The following HIBCH variants were observed in gnomAD, a reference collection of about 807,000 sequenced individuals.
HIBCH encodes the protein 3-hydroxyisobutyryl-CoA hydrolase.
HIBCH carries 50 observed loss-of-function variants against 58.2 expected under a neutral mutation model. The observed-to-expected ratio is 0.86, with a 90% CI of 0.68 to 1.09. The LOEUF is 1.09. Ranked by LOEUF, HIBCH falls within the 50% of genes least tolerant of loss-of-function variation. The pLI is 0.00. For synonymous variants in HIBCH, 151 were observed against 146.9 expected (o/e 1.03, Z -0.20); for missense variants, 450 against 449.7 (o/e 1.00, Z -0.01).
chr2:190,219,391 G>A (rs1216422242), intron 11 of HIBCH, among the ~76,000 whole-genome samples: 2 of 152,166 alleles, frequency 1.3e-5, no homozygotes, highest in East Asian at 3.8e-4. Flanking sequence ...AGAAAAAACA[G>A]GATATACTAG....
intron 8 of HIBCH, 135 bp from the exon 9 acceptor site, chr2:190,249,861 A>C (rs1686712681): frequency 1.5e-6 from 1 of 672,546 alleles, no homozygotes; most frequent in African/African-American, 1.8e-5. Flanking sequence ...AATCACTGAA[A>C]GAAATTTTGA....
chr2:190,292,507 C>T (rs1445971728), intron 4 of HIBCH, among the ~76,000 whole-genome samples: 1 of 152,204 alleles, frequency 6.6e-6, no homozygotes, highest in Non-Finnish European at 1.5e-5. Context: ...GACGGGGTTT[C>T]ACCACATTGC....
At chr2:190,260,748 G>T (rs1687064063) in intron 7 of HIBCH, among the ~76,000 whole-genome samples, 1 of 152,122 alleles carries the variant, frequency 6.6e-6, no homozygotes, top group South Asian at 2.1e-4. Context: ...TGGAATGATT[G>T]TATTTCCATA....
At position 190,246,192 on chromosome 2, in the gene HIBCH, C is replaced by T; in HGVS notation, c.771G>A (p.Lys257=). 6.3e-7 allele frequency: 1 copy of T among 1,594,952 alleles called. No homozygotes were observed. The highest frequency in any genetic ancestry group is 1.1e-5 in the South Asian group (1 of 90,610). Residue 257 remains lysine (K), a synonymous_variant, in exon 10 of 14, where the codon AAG becomes AAA. Transcript: ENST00000359678. ...YHTESKIDRD[K]SFILEEHMDK... ...CCATGTGTTCCTCAAGTATAAAAGA[C>T]TTGTCTCGATCAATCTTAGACTGTT...
intron 6 of HIBCH, among the ~76,000 whole-genome samples, chr2:190,276,379 C>G (rs190249400): frequency 1.0e-3 from 159 of 152,286 alleles, no homozygotes; most frequent in African/African-American, 3.8e-3. Context: ...TTGGCTCCTT[C>G]TTACTCCTTT....
chr2:190,192,165 AG>A (rs1427584236), intron 1 of HIBCH, among the ~76,000 whole-genome samples: 11 of 151,876 alleles, frequency 7.2e-5, no homozygotes, highest in Non-Finnish European at 1.3e-4. Flanking sequence ...GTGGGGGGAG[AG>A]TATGTGAATG....
At chr2:190,191,387 T>C (rs34833281) in intron 1 of HIBCH, among the ~76,000 whole-genome samples, 17,129 of 152,184 alleles carry the variant, frequency 0.11, 2,640 homozygotes, top group African/African-American at 0.35. Context: ...TCAGGTGATC[T>C]ACCCACCAAG....
intron 6 of HIBCH, among the ~76,000 whole-genome samples, chr2:190,282,493 T>C (rs1687727301): frequency 6.6e-6 from 1 of 152,136 alleles, no homozygotes; most frequent in Non-Finnish European, 1.5e-5. Flanking sequence ...AACTAACCAT[T>C]CCCATAAGAA....
chr2:190,212,156 A>T (rs1690526412), intron 12 of HIBCH, among the ~76,000 whole-genome samples: 1 of 152,254 alleles, frequency 6.6e-6, no homozygotes, highest in Non-Finnish European at 1.5e-5. Context: ...TGCCTAGCGT[A>T]GTACCTGCAC....
chr2:190,271,865 T>C (rs554825533), intron 6 of HIBCH, among the ~76,000 whole-genome samples: 1 of 152,278 alleles, frequency 6.6e-6, no homozygotes, highest in South Asian at 2.1e-4. Context: ...CCTATCTCCT[T>C]CACAGTATAA....
intron 11 of HIBCH, among the ~76,000 whole-genome samples, chr2:190,235,960 T>C (rs999697388): frequency 2.0e-5 from 3 of 152,232 alleles, no homozygotes; most frequent in African/African-American, 7.2e-5. Flanking sequence ...GCACCATTCA[T>C]TCATTCATCA....
At chr2:190,203,060 TA>T (rs1559007594), downstream of HIBCH, 6 of 167,070 alleles carry the variant, frequency 3.6e-5, no homozygotes, top group Non-Finnish European at 5.9e-5. Context: ...GCCTTATTAG[TA>T]TTAAAAACAG....
rs145085544 is a variant in HIBCH, at chr2:190,269,106, G to A, written c.439-7872C>T. Among the ~76,000 whole-genome samples, 457 of 152,188 alleles carry A rather than the reference G, an allele frequency of 3.0e-3. 7 individuals carry two copies. Among genetic ancestry groups the A allele is most frequent in the Non-Finnish European group, 9.1e-4 (62 of 68,010 alleles). ...CTTAAGATGGATTAAAGACTTAAAC[G>A]TAAGACCTAAAACCATAAAAACCCT... On this transcript the variant is annotated intron_variant, in intron 6 of 13. Coordinates refer to ENST00000359678, the MANE Select transcript of HIBCH (RefSeq NM_014362.4).
Position 190,304,851 on chromosome 2 carries a change from G to A in HIBCH, c.78+5903C>T, listed in dbSNP as rs1490207210. Reference sequence around the variant, plus strand: ...TTAAAACAAAGTATAAAGAACTAAAGCATTTAGAGATAAAATAGGACGAAT... The same window carrying A: ...TTAAAACAAAGTATAAAGAACTAAAACATTTAGAGATAAAATAGGACGAAT... On this transcript the variant is annotated intron_variant, in intron 2 of 13. Coordinates refer to ENST00000359678, the MANE Select transcript of HIBCH (RefSeq NM_014362.4). The surrounding 1 kb of genome is among the most constrained non-coding windows in gnomAD (Gnocchi z 4.1). Among the ~76,000 whole-genome samples, 2 of 152,054 alleles carry A rather than the reference G, an allele frequency of 1.3e-5. No homozygotes were observed. The highest frequency in any genetic ancestry group is 2.9e-5 in the Non-Finnish European group (2 of 68,000).
intron 6 of HIBCH, among the ~76,000 whole-genome samples, chr2:190,267,241 G>A (rs140807681): frequency 7.9e-5 from 12 of 152,116 alleles, no homozygotes; most frequent in African/African-American, 2.7e-4. Flanking sequence ...CAGAATCTCT[G>A]TCACCTAGGC....
intron 2 of HIBCH, among the ~76,000 whole-genome samples, chr2:190,298,831 C>G (rs1311396443): frequency 1.3e-5 from 2 of 152,166 alleles, no homozygotes; most frequent in Admixed American, 6.5e-5. Context: ...CGCCTATATC[C>G]TGAATGGTAC....
At position 190,207,896 on chromosome 2, in the gene HIBCH, AAAAT is replaced by A. The variant is rs1690429870; in HGVS notation, c.1045+980_1045+983del. Among the ~76,000 whole-genome samples the A allele has an allele frequency of 6.6e-6, 1 of 152,026 alleles. No individual in the cohort carries two copies. Among genetic ancestry groups the A allele is most frequent in the Non-Finnish European group, 1.5e-5 (1 of 68,002 alleles). ...ACCCTGTCTCCAAAAAAAATAAAAT[AAAAT>A]AAAAAAAACAAAGGATATCCAGAGT... On this transcript the variant is annotated intron_variant, in intron 13 of 13. Coordinates refer to ENST00000359678, the MANE Select transcript of HIBCH (RefSeq NM_014362.4). This position sits in a 1 kb window ranked among gnomAD's most constrained non-coding sequence, Gnocchi z 4.5.
rs1208116012 is a variant in HIBCH, at chr2:190,243,252, G to A, written c.891+1635C>T. On this transcript the variant is annotated intron_variant, in intron 11 of 13. Coordinates refer to ENST00000359678, the MANE Select transcript of HIBCH (RefSeq NM_014362.4). The surrounding 1 kb of genome is among the most constrained non-coding windows in gnomAD (Gnocchi z 4.1). ...AAGGAGAGACTGGCCTAGCCTCCCAGCCTGTATCTTTCTCCCATGCTGGAT... is the reference window on the plus strand; with the variant it reads ...AAGGAGAGACTGGCCTAGCCTCCCAACCTGTATCTTTCTCCCATGCTGGAT... Among the ~76,000 whole-genome samples, 4 of 152,204 alleles carry A rather than the reference G, an allele frequency of 2.6e-5. No individual in the cohort carries two copies. The highest frequency in any genetic ancestry group is 5.9e-5 in the Non-Finnish European group (4 of 68,038).
In HIBCH at chr2:190,227,878, G is replaced by A. The variant is rs149215315; in HGVS notation, c.892-14803C>T. The stretch of plus-strand genomic sequence containing the variant: ...GATACCAACTCATACCAGTTAGAAC[G>A]ACGATCATTAAAAAGTCAGGAAACG... On this transcript the variant is annotated intron_variant, in intron 11 of 13. Coordinates refer to ENST00000359678, the MANE Select transcript of HIBCH (RefSeq NM_014362.4). Among the ~76,000 whole-genome samples, 28 of 152,240 alleles carry A rather than the reference G, an allele frequency of 1.8e-4. 1 individual carries two copies. In the East Asian group the frequency reaches 5.2e-3, roughly 28 times the overall value.
Sources: gnomAD v4.1 joint callset for allele counts (sites outside exome capture counted in the v4.1 genomes callset) on GRCh38, gnomAD v4.1.1 for gene constraint, Gnocchi (gnomAD v3.1) non-coding constraint, MANE v1.5 for transcripts, NCBI Gene and HGNC (gene_info 2026-07-23, HGNC 2026-07-21) for gene names.